The following SPIRE2 variants were observed in gnomAD, a reference collection of about 807,000 sequenced individuals.
SPIRE2 encodes spire type actin nucleation factor 2, also known as protein spire homolog 2.
In SPIRE2, 76 loss-of-function variants were observed where a neutral mutation model predicts 80.7. That is an observed-to-expected ratio of 0.94 (90% CI 0.78 to 1.14). The LOEUF (loss-of-function observed/expected upper bound fraction) is 1.14, where lower values mean the gene tolerates loss of function less well. Among genes scored for constraint, SPIRE2 ranks in the 50% most tolerant of loss-of-function variants. The pLI is 0.00. For missense variants in SPIRE2, 1,196 were observed against 1,015.3 expected (o/e 1.18, Z -2.42); for synonymous variants, 535 against 432.6 (o/e 1.24, Z -2.94).
chr16:89,869,053 A>ATATATATAT (rs1555601128), intron 13 of SPIRE2, among the ~76,000 whole-genome samples: 1 of 24,036 alleles, frequency 4.2e-5, no homozygotes, highest in Non-Finnish European at 7.5e-5. Flanking sequence ...AAAAAAAAAA[A>ATATATATAT]ATATATATAT....
chr16:89,869,993 G>C (rs1204988862), intron 14 of SPIRE2, 57 bp from the exon 15 acceptor site: 3 of 1,465,186 alleles, frequency 2.0e-6, no homozygotes, highest in Admixed American at 1.8e-5. Flanking sequence ...CAAGCAGGGA[G>C]GGGGGTGTGG....
chr16:89,850,260 AC>A (rs760565109), intron 2 of SPIRE2, 43 bp from the exon 3 acceptor site: 8 of 1,550,180 alleles, frequency 5.2e-6, no homozygotes, highest in African/African-American at 1.4e-5. Context: ...TCCCCGCCCC[AC>A]CCCCCTGCAG....
intron 12 of SPIRE2, among the ~76,000 whole-genome samples, chr16:89,864,313 CCAGAG>C (rs2041770472): frequency 6.6e-6 from 1 of 151,994 alleles, no homozygotes; most frequent in African/African-American, 2.4e-5. Context: ...GTGTAGAACT[CCAGAG>C]GAGAGGGCTG....
At chr16:89,855,565 C>A in intron 5 of SPIRE2, 35 bp from the exon 6 acceptor site, 2 of 1,592,336 alleles carry the variant, frequency 1.3e-6, no homozygotes, top group Non-Finnish European at 1.7e-6. Flanking sequence ...GTGGATGGTC[C>A]CTGCAGGGCC....
chr16:89,831,408 T>C (rs1310196786), intron 1 of SPIRE2, among the ~76,000 whole-genome samples: 2 of 148,970 alleles, frequency 1.3e-5, no homozygotes, highest in Non-Finnish European at 3.0e-5. Context: ...TCTTTTTTTT[T>C]TTTTTTTATG....
chr16:89,848,506 G>T (rs1286988737), intron 2 of SPIRE2, among the ~76,000 whole-genome samples: 25 of 142,832 alleles, frequency 1.8e-4, no homozygotes, highest in Non-Finnish European at 6.4e-5. Context: ...GACAGACGAG[G>T]CAGGTTCCAG....
chr16:89,864,411 G>A (rs536839968), intron 12 of SPIRE2, among the ~76,000 whole-genome samples: 1 of 152,320 alleles, frequency 6.6e-6, no homozygotes, highest in Non-Finnish European at 1.5e-5. Context: ...AGCAGAGATT[G>A]GCAGACTATA....
chr16:89,852,951 T>A (rs1346566514), intron 3 of SPIRE2, among the ~76,000 whole-genome samples: 1 of 92,046 alleles, frequency 1.1e-5, no homozygotes, highest in African/African-American at 4.4e-5. Context: ...ATGGCCCGTC[T>A]TCCATCCTCC....
intron 1 of SPIRE2, among the ~76,000 whole-genome samples, chr16:89,830,291 G>A (rs546746761): frequency 4.0e-5 from 6 of 151,420 alleles, no homozygotes; most frequent in African/African-American, 1.2e-4. Flanking sequence ...AGTTCAGGTA[G>A]GGCACTGTGT....
chr16:89,847,967 T>C (rs570234322), intron 2 of SPIRE2, among the ~76,000 whole-genome samples: 2 of 152,306 alleles, frequency 1.3e-5, no homozygotes, highest in African/African-American at 4.8e-5. Flanking sequence ...GGTTGGGGGC[T>C]TTGCTGCTTC....
At chr16:89,845,525 G>A (rs2041550495) in intron 2 of SPIRE2, 160 bp downstream of exon 2, 5 of 761,784 alleles carry the variant, frequency 6.6e-6, no homozygotes, top group African/African-American at 1.7e-5. Context: ...TGGATGAAAC[G>A]CTGTTCACAG....
chr16:89,837,906 C>T (rs546769657), intron 1 of SPIRE2, among the ~76,000 whole-genome samples: 8 of 152,352 alleles, frequency 5.3e-5, no homozygotes, highest in African/African-American at 1.7e-4. Flanking sequence ...TTCCCTCTGA[C>T]CCAAAGAGCA....
intron 1 of SPIRE2, among the ~76,000 whole-genome samples, chr16:89,834,561 G>T (rs1367091781): frequency 1.8e-5 from 2 of 113,172 alleles, no homozygotes; most frequent in African/African-American, 3.4e-5. Flanking sequence ...TTCGCGGTTG[G>T]CCGTCGTAGA....
intron 12 of SPIRE2, among the ~76,000 whole-genome samples, chr16:89,866,118 C>T (rs1466576459): frequency 2.1e-5 from 3 of 141,828 alleles, no homozygotes; most frequent in Non-Finnish European, 4.6e-5. Context: ...CACTGCACTC[C>T]AGCCTGGGTG....
At chr16:89,848,022 C>A (rs962557995) in intron 2 of SPIRE2, among the ~76,000 whole-genome samples, 17 of 152,196 alleles carry the variant, frequency 1.1e-4, no homozygotes, top group Non-Finnish European at 2.2e-4. Flanking sequence ...CGGAGCCACG[C>A]GACCAGGGAC....
chr16:89,828,894 C>G lies in SPIRE2; in HGVS notation c.244+100C>G, dbSNP rs987723444. The stretch of plus-strand genomic sequence containing the variant: ...CCCGGCGGAGAGGCTGCGACCGGTT[C>G]TGGAGCGGGAGATCCCCTTCTCTGC... On this transcript the variant is annotated intron_variant, in intron 1 of 14. Transcript: ENST00000378247. This position sits in a 1 kb window ranked among gnomAD's most constrained non-coding sequence, Gnocchi z 5.9. 3 of 985,290 alleles carry G rather than the reference C, an allele frequency of 3.0e-6. No homozygotes were observed. Among genetic ancestry groups the G allele is most frequent in the Non-Finnish European group, 3.8e-6 (3 of 787,942 alleles). The allele number at this position is 985,290 out of a possible 1,614,324, so 61.0% of individuals were successfully genotyped here.
intron 12 of SPIRE2, among the ~76,000 whole-genome samples, chr16:89,866,599 AT>A (rs11291938): frequency 0.42 from 61,914 of 148,630 alleles, 13,243 homozygotes; most frequent in Middle Eastern, 0.51. Context: ...CCAGCCTTGA[AT>A]TTTTTTTTTT....
At chr16:89,833,923 G>C (rs941059886) in intron 1 of SPIRE2, among the ~76,000 whole-genome samples, 1 of 152,306 alleles carries the variant, frequency 6.6e-6, no homozygotes, top group Admixed American at 6.5e-5. Flanking sequence ...GCTGGCCGCT[G>C]TGTGTGGGTG....
rs1033742929 is a variant in SPIRE2, at chr16:89,858,387, G to A, written c.1152G>A (p.Lys384=). Residue 384 remains lysine (K), a synonymous_variant, in exon 8 of 15, where the codon AAG becomes AAA. Coordinates refer to ENST00000378247, the MANE Select transcript of SPIRE2 (RefSeq NM_032451.2). ...TCAACGCCTGCTCCGGAGATGCCAA[G>A]TCCACCTCCTGCATCAACCTGTCAG... ...CILNACSGDA[K]STSCINLSVT... 1 of 1,612,102 alleles carries A rather than the reference G, an allele frequency of 6.2e-7. No individual in the cohort carries two copies. The highest frequency in any genetic ancestry group is 8.5e-7 in the Non-Finnish European group (1 of 1,179,572).
Sources: gnomAD v4.1 joint callset for allele counts (sites outside exome capture counted in the v4.1 genomes callset) on GRCh38, gnomAD v4.1.1 for gene constraint, Gnocchi (gnomAD v3.1) non-coding constraint, MANE v1.5 for transcripts, NCBI Gene and HGNC (gene_info 2026-07-23, HGNC 2026-07-21) for gene names.